The following ANKRD45 variants were observed in gnomAD, a reference collection of about 807,000 sequenced individuals.
ANKRD45 encodes ankyrin repeat domain 45, also known as ankyrin repeat domain-containing protein 45.
A neutral mutation model predicts 28.1 loss-of-function variants in ANKRD45; 21 were observed. That is an observed-to-expected ratio of 0.75 (90% CI 0.53 to 1.08). The LOEUF is 1.08. Among genes scored for constraint, ANKRD45 ranks in the 50% least tolerant of loss-of-function variants. The probability of loss-of-function intolerance (pLI) is 0.00; values close to 1 mark genes in which losing one functional copy is unlikely to be tolerated. For missense variants in ANKRD45, 261 were observed against 308.7 expected (o/e 0.85, Z 1.16); for synonymous variants, 86 against 103.9 (o/e 0.83, Z 1.05).
At chr1:173,685,252 C>A in the ANKRD45 span, among the ~76,000 whole-genome samples, 1 of 152,324 alleles carries the variant, frequency 6.6e-6, no homozygotes, top group South Asian at 2.1e-4. Flanking sequence ...TGCATCCCTT[C>A]AGGTCTCCAA....
At chr1:173,668,562 C>G (rs1386696861) in intron 1 of ANKRD45, among the ~76,000 whole-genome samples, 3 of 152,138 alleles carry the variant, frequency 2.0e-5, no homozygotes, top group African/African-American at 7.2e-5. Context: ...TCCACATAGC[C>G]AGGGCACCAT....
At chr1:173,704,879 G>A in the ANKRD45 span, among the ~76,000 whole-genome samples, 3 of 152,342 alleles carry the variant, frequency 2.0e-5, no homozygotes, top group Admixed American at 1.3e-4. Context: ...CAGAAGCAGG[G>A]CAGAGGGAGA....
chr1:173,635,882 C>T, intron 3 of ANKRD45: 1 of 1,406,500 alleles, frequency 7.1e-7, no homozygotes. Flanking sequence ...GTTACAAAAT[C>T]TCTAAGGGTT....
intron 3 of ANKRD45, among the ~76,000 whole-genome samples, chr1:173,645,232 G>T (rs969029): frequency 0.42 from 64,530 of 151,918 alleles, 17,265 homozygotes; most frequent in African/African-American, 0.75. Context: ...TTTCCTTCAA[G>T]TTCCTTGTTT....
the ANKRD45 span, among the ~76,000 whole-genome samples, chr1:173,693,625 T>C: frequency 2.6e-5 from 4 of 152,168 alleles, no homozygotes; most frequent in Non-Finnish European, 4.4e-5. Flanking sequence ...GTGGACAACA[T>C]AGAATAAAAA....
chr1:173,671,889 A>AT (rs1670275170), upstream of ANKRD45, among the ~76,000 whole-genome samples: 2 of 151,828 alleles, frequency 1.3e-5, no homozygotes, highest in Non-Finnish European at 2.9e-5. Context: ...CTCAAAAAAA[A>AT]AAAAAAAAGA....
chr1:173,682,796 C>G, the ANKRD45 span, among the ~76,000 whole-genome samples: 1 of 151,866 alleles, frequency 6.6e-6, no homozygotes, highest in Non-Finnish European at 1.5e-5. Context: ...TTTTAAATCT[C>G]GTTACCATAT....
At chr1:173,669,331 C>A (rs976957481) in intron 1 of ANKRD45, 7 of 419,330 alleles carry the variant, frequency 1.7e-5, no homozygotes, top group African/African-American at 1.5e-4. Context: ...AGGCAGGCGA[C>A]GCAGCCTGAA....
chr1:173,655,901 C>G (rs1458411448), intron 2 of ANKRD45, among the ~76,000 whole-genome samples: 1 of 152,240 alleles, frequency 6.6e-6, no homozygotes, highest in African/African-American at 2.4e-5. Flanking sequence ...GGCATGGGAC[C>G]CGCCAAGCCA....
At chr1:173,705,814 T>C in the ANKRD45 span, among the ~76,000 whole-genome samples, 1 of 152,152 alleles carries the variant, frequency 6.6e-6, no homozygotes, top group African/African-American at 2.4e-5. Flanking sequence ...TCCTTTCCCC[T>C]GTAGGTAACC....
Position 173,633,238 on chromosome 1 carries a change from A to G in ANKRD45, c.497-6079T>C, listed in dbSNP as rs1668272841. On this transcript the variant is annotated intron_variant, in intron 3 of 5. Coordinates refer to ENST00000333279, the MANE Select transcript of ANKRD45 (RefSeq NM_198493.3). ...AAAAAAAAATCAAGAAAGTAACTCC[A>G]TTTACAATACATACAAAGAAAATAA... 2.0e-5 allele frequency among the ~76,000 whole-genome samples: 3 copies of G among 152,024 alleles called. No homozygotes were observed. In the South Asian group the frequency reaches 6.2e-4, roughly 32 times the overall value.
rs1312241332 is a variant in ANKRD45 at position 173,624,805 on chromosome 1, T to A, written c.712A>T (p.Thr238Ser). 2 of 1,613,440 alleles carry A rather than the reference T, an allele frequency of 1.2e-6. No homozygotes were observed. The highest frequency in any genetic ancestry group is 1.7e-6 in the Non-Finnish European group (2 of 1,179,758). The part of the protein sequence containing the change: ...QLEDIVTPIF[T>S]KMTTPCQVKS... ...AACTTACATGGTGTAGTCATTTTTGTGAAGATAGGAGTCACAATATCTTCC... is the reference window on the plus strand; with the variant it reads ...AACTTACATGGTGTAGTCATTTTTGAGAAGATAGGAGTCACAATATCTTCC... The change falls in exon 5 of 6, where the codon ACA becomes TCA. Residue 238 changes from threonine (T) to serine (S), a missense_variant. Thr to Ser is a moderately conservative substitution (Grantham distance 58). Coordinates refer to ENST00000333279, the MANE Select transcript of ANKRD45 (RefSeq NM_198493.3).
At chr1:173,627,768 A>AT (rs956477982) in intron 3 of ANKRD45, among the ~76,000 whole-genome samples, 5 of 151,980 alleles carry the variant, frequency 3.3e-5, no homozygotes, top group African/African-American at 1.2e-4. Context: ...CTTGGGGTGC[A>AT]CATCACCTAG....
At chr1:173,678,864 G>C in the ANKRD45 span, among the ~76,000 whole-genome samples, 1 of 152,108 alleles carries the variant, frequency 6.6e-6, no homozygotes, top group African/African-American at 2.4e-5. Context: ...AAAGTCTCAG[G>C]ATACAAAGTC....
chr1:173,608,664 T>A lies in ANKRD45; in HGVS notation c.*1481A>T, dbSNP rs916991530. ...TACCCAAGCATGGTGGGAGGATCAC[T>A]TGAGTGCAGGAGTTACAGGTTACAG... On this transcript the variant is annotated 3_prime_UTR_variant, in exon 6 of 6. Coordinates refer to ENST00000333279, the MANE Select transcript of ANKRD45 (RefSeq NM_198493.3). Among the ~76,000 whole-genome samples the A allele has an allele frequency of 9.3e-5, 14 of 150,966 alleles. No individual in the cohort carries two copies. The highest frequency in any genetic ancestry group is 6.6e-5 in the Admixed American group (1 of 15,146).
chr1:173,613,707 C>T (rs935209840), intron 5 of ANKRD45, among the ~76,000 whole-genome samples: 47 of 152,202 alleles, frequency 3.1e-4, no homozygotes, highest in Admixed American at 2.6e-3. Flanking sequence ...CGCCTCTGCC[C>T]GGCCGCCCCT....
chr1:173,616,723 T>C (rs908933556), intron 5 of ANKRD45, among the ~76,000 whole-genome samples: 11 of 152,318 alleles, frequency 7.2e-5, no homozygotes, highest in African/African-American at 1.9e-4. Context: ...CTTTTTAAAA[T>C]GCTGCCAAGA....
At chr1:173,624,313 CA>C (rs143664836) in intron 5 of ANKRD45, among the ~76,000 whole-genome samples, 4,102 of 151,728 alleles carry the variant, frequency 0.027, 197 homozygotes, top group African/African-American at 0.095. Flanking sequence ...AGAAACATAG[CA>C]AGACCCTATC....
chr1:173,683,086 C>T, the ANKRD45 span, among the ~76,000 whole-genome samples: 1 of 151,486 alleles, frequency 6.6e-6, no homozygotes. Context: ...TTGATCAAAC[C>T]CAATGAGAAA....
Sources: gnomAD v4.1 joint callset for allele counts (sites outside exome capture counted in the v4.1 genomes callset) on GRCh38, gnomAD v4.1.1 for gene constraint, MANE v1.5 for transcripts, NCBI Gene and HGNC (gene_info 2026-07-23, HGNC 2026-07-21) for gene names.